FMN1: variants seen among roughly 807,000 people sequenced by gnomAD.
The protein encoded by FMN1 is formin 1.
FMN1 carries 110 observed loss-of-function variants against 132.4 expected under a neutral mutation model. The ratio of observed to expected loss-of-function variants is 0.83; its 90% CI spans 0.71 to 0.97. The LOEUF is 0.97. FMN1 is among the 50% of genes least tolerant of loss of function. The pLI is 0.00. For missense variants in FMN1, 1,792 were observed against 1,705.3 expected (o/e 1.05, Z -0.90); for synonymous variants, 722 against 651.7 (o/e 1.11, Z -1.64).
At chr15:32,835,053 G>A (rs1380142704) in intron 17 of FMN1, among the ~76,000 whole-genome samples, 2 of 152,140 alleles carry the variant, frequency 1.3e-5, no homozygotes, top group African/African-American at 4.8e-5. Flanking sequence ...AATTAGTTTG[G>A]GTTTGTTTGG....
At chr15:32,929,337 T>C (rs565566894) in intron 9 of FMN1, among the ~76,000 whole-genome samples, 3 of 152,360 alleles carry the variant, frequency 2.0e-5, no homozygotes, top group African/African-American at 4.8e-5. Flanking sequence ...AGGGACACAA[T>C]GCGCACAGAA....
chr15:33,170,347 G>C (rs1258541667), intron 3 of FMN1, among the ~76,000 whole-genome samples: 1 of 152,096 alleles, frequency 6.6e-6, no homozygotes, highest in African/African-American at 2.4e-5. Flanking sequence ...CAGAACTATG[G>C]ACTAGGCAAA....
At chr15:33,035,426 C>T (rs186881728) in intron 6 of FMN1, among the ~76,000 whole-genome samples, 78 of 152,256 alleles carry the variant, frequency 5.1e-4, no homozygotes, top group Admixed American at 1.4e-3. Context: ...GTCCTTAGAT[C>T]CCAGATAAAG....
At chr15:33,190,035 T>C (rs914807796) in intron 2 of FMN1, among the ~76,000 whole-genome samples, 1 of 152,172 alleles carries the variant, frequency 6.6e-6, no homozygotes, top group African/African-American at 2.4e-5. Flanking sequence ...GTAACAAAGA[T>C]TTTACTCACT....
In FMN1 at chr15:33,067,358, G is replaced by A. The variant is rs138694930; in HGVS notation, c.2044-2284C>T. On this transcript the variant is annotated intron_variant, in intron 5 of 20. Transcript: ENST00000616417. ...TGGGTTTTCTTTGGACTCCTGAGATGGCTCAGATAAAACACCACTAGGGGA... is the reference window on the plus strand; with the variant it reads ...TGGGTTTTCTTTGGACTCCTGAGATAGCTCAGATAAAACACCACTAGGGGA... 9.6e-5 allele frequency: 155 copies of A among 1,613,938 alleles called. No homozygotes were observed. The African/African-American group carries it at 1.6e-3, about 17-fold the overall frequency.
chr15:33,118,207 A>G (rs951612185), intron 4 of FMN1, among the ~76,000 whole-genome samples: 3 of 152,230 alleles, frequency 2.0e-5, no homozygotes, highest in Non-Finnish European at 2.9e-5. Flanking sequence ...ATGGGAAACT[A>G]GCTTTTTCTG....
rs531394656 is a variant in FMN1 at position 32,868,744 on chromosome 15, CATT to C, written c.3836-11640_3836-11638del. 1.6e-3 allele frequency among the ~76,000 whole-genome samples: 244 copies of C among 152,170 alleles called. 2 individuals carry two copies. The highest frequency in any genetic ancestry group is 5.7e-3 in the African/African-American group (235 of 41,532). On this transcript the variant is annotated intron_variant, in intron 16 of 20. Coordinates refer to ENST00000616417, the MANE Select transcript of FMN1 (RefSeq NM_001277313.2). ...TTCACTCATTCAGATACGAGATACA[CATT>C]TTTTTTTAAATCCCTGTCCGGGTTC... is the stretch of plus-strand genomic sequence containing the variant.
At position 32,964,120 on chromosome 15, in the gene FMN1, T is replaced by A; in HGVS notation, c.3125A>T (p.Asn1042Ile). 6.2e-7 allele frequency: 1 copy of A among 1,611,716 alleles called. No homozygotes were observed. Among genetic ancestry groups the A allele is most frequent in the Non-Finnish European group, 8.5e-7 (1 of 1,179,070 alleles). The change falls in exon 9 of 21, where the codon AAC becomes ATC. Residue 1042 changes from asparagine to isoleucine, a missense_variant. Coordinates refer to ENST00000616417, the MANE Select transcript of FMN1 (RefSeq NM_001277313.2). ...ATCACTCAGTACCTTTTTGACCTTG[T>A]TTTTCTTCTCATAAGTCTCTGACAG... is the stretch of plus-strand genomic sequence containing the variant. ...KPLSETYEKK[N>I]KVKKIIKLLD...
At chr15:33,171,928 G>A (rs947320399) in intron 3 of FMN1, among the ~76,000 whole-genome samples, 2 of 152,138 alleles carry the variant, frequency 1.3e-5, no homozygotes, top group African/African-American at 4.8e-5. Context: ...ATGTGTTTTT[G>A]GCCGGGCGCG....
rs572574246 is a variant in FMN1 at position 32,808,102 on chromosome 15, TGTTCCAAC to T, written c.3929-3778_3929-3771del. Among the ~76,000 whole-genome samples, 6 of 152,330 alleles carry T rather than the reference TGTTCCAAC, an allele frequency of 3.9e-5. No individual in the cohort carries two copies. The South Asian group carries it at 1.2e-3, about 32-fold the overall frequency. ...TGTGGGCCAAGTATAAGAATCCCGG[TGTTCCAAC>T]GTTCTAGTTCTAGCTTTTCAATACG... On this transcript the variant is annotated intron_variant, in intron 17 of 20. Coordinates refer to ENST00000616417, the MANE Select transcript of FMN1 (RefSeq NM_001277313.2).
chr15:33,115,999 A>G (rs569392341), intron 4 of FMN1, among the ~76,000 whole-genome samples: 2 of 152,166 alleles, frequency 1.3e-5, no homozygotes, highest in African/African-American at 4.8e-5. Flanking sequence ...GGGCTGAATT[A>G]AAGAATTTTC....
rs2036637782 is a variant in FMN1 at position 33,045,531 on chromosome 15, A to T, written c.2161+19426T>A. ...GGGATTGCAGTAAGTTGCCTCTTGG[A>T]TTTCAGAGCTCCATGGACTTATGTT... On this transcript the variant is annotated intron_variant, in intron 6 of 20. Coordinates refer to ENST00000616417, the MANE Select transcript of FMN1 (RefSeq NM_001277313.2). 2.0e-5 allele frequency among the ~76,000 whole-genome samples: 3 copies of T among 152,294 alleles called. No homozygotes were observed. In the South Asian group the frequency reaches 6.2e-4, roughly 32 times the overall value.
At chr15:32,858,551 A>G (rs1482858389) in intron 16 of FMN1, among the ~76,000 whole-genome samples, 2 of 152,226 alleles carry the variant, frequency 1.3e-5, no homozygotes, top group Admixed American at 6.5e-5. Flanking sequence ...AGCTCTATCT[A>G]TTGACATTGT....
chr15:33,037,007 A>G (rs1316275186), intron 6 of FMN1, among the ~76,000 whole-genome samples: 3 of 152,262 alleles, frequency 2.0e-5, no homozygotes, highest in Non-Finnish European at 4.4e-5. Context: ...GCATTCTGCT[A>G]TATTTCCTTT....
At chr15:32,897,445 G>GA (rs1392642468) in intron 15 of FMN1, among the ~76,000 whole-genome samples, 8 of 151,872 alleles carry the variant, frequency 5.3e-5, no homozygotes, top group African/African-American at 1.2e-4. Flanking sequence ...GGAGTAATGA[G>GA]AAAAAAAGGA....
At chr15:33,067,805 T>C in intron 5 of FMN1, 1 of 1,614,038 alleles carries the variant, frequency 6.2e-7, no homozygotes, top group Middle Eastern at 1.6e-4. Context: ...CAGGATCGAC[T>C]GAGCCACTTC....
chr15:33,087,699 G>A (rs879786435), intron 5 of FMN1, among the ~76,000 whole-genome samples: 5 of 152,148 alleles, frequency 3.3e-5, no homozygotes, highest in Non-Finnish European at 7.4e-5. Flanking sequence ...ACTTGCACAT[G>A]CATGTTTATT....
chr15:32,786,608 T>C (rs762027813), intron 19 of FMN1, among the ~76,000 whole-genome samples: 12 of 152,198 alleles, frequency 7.9e-5, no homozygotes, highest in Non-Finnish European at 1.2e-4. Flanking sequence ...GAATAACATA[T>C]AGACTTTGGG....
rs2056147420 is a variant in FMN1 at position 32,769,230 on chromosome 15, A to T, written c.*5080T>A. The T allele has an allele frequency of 1.3e-5, 2 of 152,242 alleles. No homozygotes were observed. The highest frequency in any genetic ancestry group is 2.9e-5 in the Non-Finnish European group (2 of 68,046). The allele number at this position is 152,242 out of a possible 1,614,324, so 9.4% of individuals were successfully genotyped here. On this transcript the variant is annotated 3_prime_UTR_variant, in exon 21 of 21. Coordinates refer to ENST00000616417, the MANE Select transcript of FMN1 (RefSeq NM_001277313.2). ...CCAAATCCTAACTTTATATCACAGT[A>T]TTGGTTAAGAGTCTTGGAACAAATA...
Sources: gnomAD v4.1 joint callset for allele counts (sites outside exome capture counted in the v4.1 genomes callset) on GRCh38, gnomAD v4.1.1 for gene constraint, MANE v1.5 for transcripts, NCBI Gene and HGNC (gene_info 2026-07-23, HGNC 2026-07-21) for gene names.